Variants in BTBD9 observed in about 807,000 individuals in gnomAD.
BTBD9 encodes BTB domain containing 9.
Under a neutral mutation model 64.3 loss-of-function variants are expected in BTBD9, and 49 were observed. The observed-to-expected ratio is 0.76, with a 90% CI of 0.61 to 0.97. The LOEUF is 0.97. Ranked by LOEUF, BTBD9 falls within the 50% of genes least tolerant of loss-of-function variation. The probability of loss-of-function intolerance (pLI) is 0.00; values close to 1 mark genes in which losing one functional copy is unlikely to be tolerated. For synonymous variants in BTBD9, 260 were observed against 274.7 expected (o/e 0.95, Z 0.53); for missense variants, 598 against 762.1 (o/e 0.78, Z 2.53).
chr6:38,382,770 T>A, intron 6 of BTBD9, among the ~76,000 whole-genome samples: 1 of 152,182 alleles, frequency 6.6e-6, no homozygotes, highest in Non-Finnish European at 1.5e-5. Context: ...TAAGAAATTA[T>A]AAATAACTTT....
chr6:38,347,727 C>T (rs887258067), intron 6 of BTBD9, among the ~76,000 whole-genome samples: 7 of 152,108 alleles, frequency 4.6e-5, no homozygotes, highest in African/African-American at 1.4e-4. Flanking sequence ...CAGGGCCAGG[C>T]GTGGTAGCCC....
intron 9 of BTBD9, among the ~76,000 whole-genome samples, chr6:38,233,217 A>G (rs970861613): frequency 3.9e-5 from 6 of 152,224 alleles, no homozygotes; most frequent in Admixed American, 3.3e-4. Context: ...AGTTGTTCCC[A>G]AAATATAACT....
intron 1 of BTBD9, among the ~76,000 whole-genome samples, chr6:38,600,923 G>A (rs1353452326): frequency 3.3e-5 from 5 of 152,092 alleles, no homozygotes; most frequent in Middle Eastern, 3.4e-3. Flanking sequence ...AAACTGTTTC[G>A]TGTATAGAAA....
At chr6:38,204,287 C>T (rs1404411142) in intron 9 of BTBD9, among the ~76,000 whole-genome samples, 1 of 152,030 alleles carries the variant, frequency 6.6e-6, no homozygotes, top group East Asian at 1.9e-4. Flanking sequence ...TTCACAGCTG[C>T]ATTATTCATA....
At chr6:38,314,296 C>G (rs545295875) in intron 7 of BTBD9, among the ~76,000 whole-genome samples, 1 of 151,384 alleles carries the variant, frequency 6.6e-6, no homozygotes, top group Non-Finnish European at 1.5e-5. Flanking sequence ...CCCGGGTTCA[C>G]GCCATTCTCC....
intron 9 of BTBD9, among the ~76,000 whole-genome samples, chr6:38,232,509 A>C (rs907227911): frequency 3.9e-5 from 6 of 152,100 alleles, no homozygotes; most frequent in Non-Finnish European, 8.8e-5. Context: ...TGACCTCGTG[A>C]TCTGCCTGCC....
intron 6 of BTBD9, among the ~76,000 whole-genome samples, chr6:38,511,802 C>T (rs1772788483): frequency 6.6e-6 from 1 of 152,072 alleles, no homozygotes; most frequent in African/African-American, 2.4e-5. Context: ...TAAAGATTTG[C>T]TTGCATAGAT....
chr6:38,583,453 G>A (rs1002166721), intron 4 of BTBD9, among the ~76,000 whole-genome samples: 3 of 152,050 alleles, frequency 2.0e-5, no homozygotes, highest in African/African-American at 7.2e-5. Flanking sequence ...GAGCTGAGAT[G>A]GTGCCACTGC....
Position 38,573,349 on chromosome 6 carries a change from T to C in BTBD9, c.1154+4251A>G, listed in dbSNP as rs1775864531. On this transcript the variant is annotated intron_variant, in intron 6 of 10. Transcript: ENST00000481247. ...TACATTATAACTTTATAATGAGAGA[T>C]ATTTCCATTTTGATAATTTTTTAAA... Among the ~76,000 whole-genome samples the C allele has an allele frequency of 3.9e-5, 6 of 152,274 alleles. No individual in the cohort carries two copies. The South Asian group carries it at 1.2e-3, about 32-fold the overall frequency.
chr6:38,414,870 C>A (rs373960762), intron 6 of BTBD9, among the ~76,000 whole-genome samples: 1 of 152,148 alleles, frequency 6.6e-6, no homozygotes, highest in Non-Finnish European at 1.5e-5. Context: ...CTGTCCTAGG[C>A]AACTCATGTA....
At chr6:38,328,282 CT>C (rs1052602423) in intron 7 of BTBD9, among the ~76,000 whole-genome samples, 26 of 152,234 alleles carry the variant, frequency 1.7e-4, no homozygotes, top group Middle Eastern at 3.4e-3. Context: ...AGCTTCACCC[CT>C]AACTTAGAAT....
chr6:38,295,445 C>A (rs1313223383), intron 7 of BTBD9, among the ~76,000 whole-genome samples: 1 of 152,192 alleles, frequency 6.6e-6, no homozygotes, highest in Non-Finnish European at 1.5e-5. Context: ...GGGTTATAGG[C>A]ATGAGCCACC....
intron 4 of BTBD9, among the ~76,000 whole-genome samples, chr6:38,589,318 T>C (rs1776689507): frequency 6.6e-6 from 1 of 152,200 alleles, no homozygotes; most frequent in Non-Finnish European, 1.5e-5. Flanking sequence ...AGTAACCATG[T>C]GAAATGTCCA....
chr6:38,302,496 T>G (rs1762448157), intron 7 of BTBD9, among the ~76,000 whole-genome samples: 1 of 41,030 alleles, frequency 2.4e-5, no homozygotes, highest in Admixed American at 2.2e-4. Context: ...TATATATATA[T>G]ATATATATAT....
intron 10 of BTBD9, among the ~76,000 whole-genome samples, chr6:38,175,405 G>A (rs1427822716): frequency 6.6e-6 from 1 of 152,202 alleles, no homozygotes; most frequent in Non-Finnish European, 1.5e-5. Flanking sequence ...TGAGCCAGTG[G>A]CCCAAAAGTT....
intron 6 of BTBD9, among the ~76,000 whole-genome samples, chr6:38,442,661 CTTTTTT>C (rs11313452): frequency 2.1e-4 from 12 of 57,538 alleles, no homozygotes; most frequent in East Asian, 1.2e-3. Context: ...CATTTGTACT[CTTTTTT>C]TTTTTTTTTT....
intron 1 of BTBD9, among the ~76,000 whole-genome samples, chr6:38,636,110 A>G (rs924704742): frequency 6.6e-6 from 1 of 152,220 alleles, no homozygotes; most frequent in African/African-American, 2.4e-5. Flanking sequence ...CTTTGTGTTA[A>G]TCACTGTGCA....
intron 9 of BTBD9, among the ~76,000 whole-genome samples, chr6:38,221,531 C>T (rs138216451): frequency 1.6e-4 from 24 of 152,196 alleles, no homozygotes; most frequent in Admixed American, 3.3e-4. Flanking sequence ...TGAGGAGTGC[C>T]GCCCGTCAAT....
chr6:38,302,489 A>G (rs1163655834), intron 7 of BTBD9, among the ~76,000 whole-genome samples: 659 of 28,218 alleles, frequency 0.023, 13 homozygotes, highest in African/African-American at 0.078. Context: ...GTGTATGTAT[A>G]TATATATATA....
Sources: gnomAD v4.1 joint callset for allele counts (sites outside exome capture counted in the v4.1 genomes callset) on GRCh38, gnomAD v4.1.1 for gene constraint, MANE v1.5 for transcripts, NCBI Gene and HGNC (gene_info 2026-07-23, HGNC 2026-07-21) for gene names.